TENM3: variants seen among roughly 807,000 people sequenced by gnomAD.
TENM3 encodes the protein teneurin transmembrane protein 3.
Under a neutral mutation model 255.1 loss-of-function variants are expected in TENM3, and 63 were observed. The observed-to-expected ratio is 0.25, with a 90% CI of 0.20 to 0.30. The LOEUF is 0.30. Ranked by LOEUF, TENM3 falls within the 10% of genes least tolerant of loss-of-function variation. The pLI, the probability that TENM3 is intolerant of heterozygous loss-of-function variation, is 1.00. For synonymous variants in TENM3, 1,306 were observed against 1,322.3 expected, an observed-to-expected ratio of 0.99 and a Z score of 0.27; for missense variants, 2,929 against 3,461.1, an observed-to-expected ratio of 0.85 and a Z score of 3.86.
chr4:181,598,480 A>C, the TENM3 span, among the ~76,000 whole-genome samples: 1 of 152,274 alleles, frequency 6.6e-6, no homozygotes, highest in South Asian at 2.1e-4. Context: ...AAGAAATGTT[A>C]ATGTTACTCC....
chr4:181,460,207 ATT>A, the TENM3 span, among the ~76,000 whole-genome samples: 3 of 152,144 alleles, frequency 2.0e-5, no homozygotes, highest in African/African-American at 4.8e-5. Flanking sequence ...TCTGTGAACT[ATT>A]TTGTAAATTC....
rs148300585 is a variant in TENM3 at position 182,738,589 on chromosome 4, A to T, written c.3379+45A>T. Reference sequence around the variant, plus strand: ...TAACTGATGTTGTAATGTATTGTTCAGAGATAGCTAATGTTGCCCACTTTC... The same window carrying T: ...TAACTGATGTTGTAATGTATTGTTCTGAGATAGCTAATGTTGCCCACTTTC... On this transcript the variant is annotated intron_variant, in intron 18 of 27. Coordinates refer to ENST00000511685, the MANE Select transcript of TENM3 (RefSeq NM_001080477.4). 2.0e-3 allele frequency: 3,048 copies of T among 1,495,476 alleles called. 72 individuals are homozygous for T. In the Admixed American group the frequency reaches 0.047, roughly 23 times the overall value. 92.6% of individuals were successfully genotyped at this position (1,495,476 alleles called of 1,614,324 possible). A position where few individuals can be genotyped will look rare whatever the true frequency, so the allele number is the denominator to read the frequency against.
the TENM3 span, among the ~76,000 whole-genome samples, chr4:181,928,022 A>G: frequency 0.016 from 2,458 of 152,272 alleles, 58 homozygotes; most frequent in African/African-American, 0.056. Flanking sequence ...CCCCTTCTGA[A>G]GGTCACCAAC....
the TENM3 span, among the ~76,000 whole-genome samples, chr4:181,919,728 TA>T: frequency 2.6e-5 from 4 of 151,996 alleles, no homozygotes; most frequent in Non-Finnish European, 5.9e-5. Context: ...AATTTTTTTT[TA>T]ATTTTTATTT....
chr4:182,176,182 G>C (rs988436407), intron 1 of TENM3, among the ~76,000 whole-genome samples: 1 of 152,078 alleles, frequency 6.6e-6, no homozygotes, highest in South Asian at 2.1e-4. Context: ...TCTATAGAAG[G>C]CGTGTAATAA....
At chr4:182,207,705 A>G (rs1247945338) in intron 1 of TENM3, among the ~76,000 whole-genome samples, 2 of 152,230 alleles carry the variant, frequency 1.3e-5, no homozygotes, top group Non-Finnish European at 2.9e-5. Context: ...AATATGTAAA[A>G]GCTTGGGAAA....
intron 3 of TENM3, among the ~76,000 whole-genome samples, chr4:182,403,675 C>A (rs1769358149): frequency 6.6e-6 from 1 of 152,176 alleles, no homozygotes; most frequent in Non-Finnish European, 1.5e-5. Flanking sequence ...AATTGGATGC[C>A]TTTATGAAAC....
chr4:182,056,215 G>A, the TENM3 span, among the ~76,000 whole-genome samples: 10 of 152,198 alleles, frequency 6.6e-5, no homozygotes, highest in Admixed American at 5.2e-4. Context: ...GTGTAAAACC[G>A]ACTGAGAGAT....
chr4:182,190,002 G>A (rs1209522722), intron 1 of TENM3, among the ~76,000 whole-genome samples: 3 of 152,134 alleles, frequency 2.0e-5, no homozygotes, highest in Non-Finnish European at 2.9e-5. Flanking sequence ...CTGTTTTCTC[G>A]TTTCCTTTAG....
At chr4:182,051,322 G>A in the TENM3 span, among the ~76,000 whole-genome samples, 17 of 149,388 alleles carry the variant, frequency 1.1e-4, no homozygotes, top group East Asian at 1.4e-3. Context: ...CAGCCTGGGC[G>A]ACAAGAGCAA....
the TENM3 span, among the ~76,000 whole-genome samples, chr4:181,454,215 A>G: frequency 6.6e-6 from 1 of 152,148 alleles, no homozygotes. Flanking sequence ...CTCCTGCCCT[A>G]TAACATTCTA....
At chr4:181,527,073 C>A in the TENM3 span, among the ~76,000 whole-genome samples, 1 of 115,054 alleles carries the variant, frequency 8.7e-6, no homozygotes, top group East Asian at 3.0e-4. Context: ...GCCCCCTGTG[C>A]GACCAGTCAG....
chr4:181,844,761 G>T, the TENM3 span, among the ~76,000 whole-genome samples: 1 of 152,150 alleles, frequency 6.6e-6, no homozygotes, highest in South Asian at 2.1e-4. Flanking sequence ...GGAAAATTAT[G>T]ACAATCTCCC....
intron 24 of TENM3, among the ~76,000 whole-genome samples, chr4:182,782,957 G>A (rs1159227285): frequency 2.1e-3 from 315 of 148,286 alleles, no homozygotes; most frequent in Admixed American, 5.1e-3. Flanking sequence ...GTCTCTGCAC[G>A]TGAGATGGAT....
At chr4:182,763,332 G>A (rs1256789190) in intron 22 of TENM3, among the ~76,000 whole-genome samples, 3 of 152,298 alleles carry the variant, frequency 2.0e-5, no homozygotes, top group East Asian at 1.9e-4. Flanking sequence ...TTGGGAGGCT[G>A]AGGCGGGCGG....
the TENM3 span, among the ~76,000 whole-genome samples, chr4:181,668,544 G>A: frequency 7.9e-5 from 12 of 152,212 alleles, no homozygotes; most frequent in East Asian, 1.9e-3. Flanking sequence ...GCTTGTGGCA[G>A]CACAACTCTT....
chr4:181,488,371 C>G, the TENM3 span, among the ~76,000 whole-genome samples: 26 of 152,068 alleles, frequency 1.7e-4, no homozygotes, highest in Non-Finnish European at 2.8e-4. Context: ...CATCTCCAAG[C>G]CTTTCTTATC....
chr4:181,890,959 C>T, the TENM3 span, among the ~76,000 whole-genome samples: 1 of 152,324 alleles, frequency 6.6e-6, no homozygotes, highest in Non-Finnish European at 1.5e-5. Context: ...AATCACTGCA[C>T]TCTTACCCCA....
intron 3 of TENM3, among the ~76,000 whole-genome samples, chr4:182,520,937 C>T (rs1344285263): frequency 6.6e-6 from 1 of 152,064 alleles, no homozygotes; most frequent in Non-Finnish European, 1.5e-5. Flanking sequence ...TTGCTCTTAG[C>T]TTTCTTGGGA....
Sources: allele counts gnomAD v4.1 joint callset (sites outside exome capture counted in the v4.1 genomes callset), GRCh38; gene constraint gnomAD v4.1.1; transcripts MANE v1.5; gene names NCBI Gene and HGNC (gene_info 2026-07-23, HGNC 2026-07-21).